Variants in SCFD2 observed in about 807,000 individuals in gnomAD.
The protein encoded by SCFD2 is sec1 family domain containing 2, also known as sec1 family domain-containing protein 2.
A neutral mutation model predicts 58.9 loss-of-function variants in SCFD2; 54 were observed. The ratio of observed to expected loss-of-function variants is 0.92; its 90% confidence interval spans 0.74 to 1.15. SCFD2 has a LOEUF of 1.15. Ranked by LOEUF, SCFD2 falls within the 50% of genes most tolerant of loss-of-function variation. SCFD2 has a pLI of 0.00. For missense variants in SCFD2, 805 were observed against 836.6 expected (o/e 0.96, Z 0.47); for synonymous variants, 321 against 335.9 (o/e 0.96, Z 0.49).
chr4:52,972,807 A>G (rs1290965631), intron 5 of SCFD2, among the ~76,000 whole-genome samples: 1 of 152,218 alleles, frequency 6.6e-6, no homozygotes, highest in African/African-American at 2.4e-5. Flanking sequence ...CAGAAATTAT[A>G]ACAAACTGTC....
chr4:52,903,866 C>T lies in SCFD2; in HGVS notation c.1842+3591G>A, dbSNP rs75376658. Among the ~76,000 whole-genome samples, 307 of 152,158 alleles carry T rather than the reference C, an allele frequency of 2.0e-3. 1 individual carries two copies. Among genetic ancestry groups the T allele is most frequent in the Middle Eastern group, 0.014 (4 of 294 alleles). ...GAATCAAGTTGTGCAGTTAGAAAAA[C>T]GCTAGCATGAAGAAAAACATTAGTC... On this transcript the variant is annotated intron_variant, in intron 7 of 8. Transcript: ENST00000401642.
intron 5 of SCFD2, among the ~76,000 whole-genome samples, chr4:53,124,193 T>C (rs1235367394): frequency 6.6e-6 from 1 of 152,174 alleles, no homozygotes; most frequent in African/African-American, 2.4e-5. Context: ...AAAATAAATA[T>C]TAATTCCTAT....
chr4:53,352,681 C>T lies in SCFD2; in HGVS notation c.924G>A (p.Met308Ile). Residue 308 changes from methionine to isoleucine, a missense_variant, in exon 2 of 9, where the codon ATG (methionine) becomes ATA (isoleucine). Met to Ile is a conservative substitution (Grantham distance 10). Around this residue, in one of 3 missense-constraint regions of SCFD2, gnomAD observed 633 missense variants for 646.8 expected, o/e 0.98. Coordinates refer to ENST00000401642, the MANE Select transcript of SCFD2 (RefSeq NM_152540.4). The part of the protein sequence containing the change: ...PQLPGHTNDV[M>I]VNMIALTALH... The stretch of plus-strand genomic sequence containing the variant: ...GTGCAGTGAGCGCTATCATGTTAAC[C>T]ATCACATCATTTGTGTGGCCTGGGA... The T allele has an allele frequency of 6.2e-7, 1 of 1,613,934 alleles. No individual in the cohort carries two copies. The highest frequency in any genetic ancestry group is 2.2e-5 in the East Asian group (1 of 44,876).
chr4:53,139,515 C>G (rs1173021877), intron 5 of SCFD2, among the ~76,000 whole-genome samples: 2 of 136,794 alleles, frequency 1.5e-5, no homozygotes, highest in Non-Finnish European at 3.4e-5. Flanking sequence ...AGTGAGGAGC[C>G]CCTCTGCCCG....
At chr4:52,917,359 T>C (rs1560480278) in intron 6 of SCFD2, among the ~76,000 whole-genome samples, 1 of 152,180 alleles carries the variant, frequency 6.6e-6, no homozygotes, top group Non-Finnish European at 1.5e-5. Context: ...GAGGGGACAG[T>C]TGGGCTATGA....
chr4:53,201,181 C>G (rs184111462), intron 4 of SCFD2, among the ~76,000 whole-genome samples: 1,943 of 151,640 alleles, frequency 0.013, 42 homozygotes, highest in African/African-American at 0.045. Flanking sequence ...CTCCTCCCCC[C>G]ACCCCACAAC....
At chr4:53,139,418 C>G (rs1215796212) in intron 5 of SCFD2, among the ~76,000 whole-genome samples, 2 of 94,074 alleles carry the variant, frequency 2.1e-5, no homozygotes, top group African/African-American at 2.8e-5. Context: ...GGCCGTCATC[C>G]TGTCTAGGAA....
intron 8 of SCFD2, among the ~76,000 whole-genome samples, chr4:52,880,705 C>G (rs1030442871): frequency 6.6e-6 from 1 of 152,194 alleles, no homozygotes; most frequent in Admixed American, 6.5e-5. Context: ...GTGCGGCAAG[C>G]ACGTGCCTTG....
At position 53,365,660 on chromosome 4, in the gene SCFD2, G is replaced by A. The variant is rs1734679539; in HGVS notation, c.282C>T (p.Cys94=). Residue 94 remains cysteine, a synonymous_variant, in exon 1 of 9, where the codon TGC becomes TGT. Transcript: ENST00000401642. The surrounding 1 kb of genome is among the most constrained non-coding windows in gnomAD (Gnocchi z 4.3). The part of the protein sequence containing the change: ...RTVEILRDII[C]RSHFQYCVVV... ...CCACACAATACTGGAAGTGACTGCG[G>A]CAGATGATGTCCCGTAGGATCTCCA... The A allele has an allele frequency of 1.2e-6, 2 of 1,614,234 alleles. No individual in the cohort carries two copies. The highest frequency in any genetic ancestry group is 1.7e-6 in the Non-Finnish European group (2 of 1,180,040).
intron 4 of SCFD2, among the ~76,000 whole-genome samples, chr4:53,255,798 G>T (rs1208791304): frequency 6.6e-6 from 1 of 151,108 alleles, no homozygotes; most frequent in Non-Finnish European, 1.5e-5. Context: ...GCCGGGCAGA[G>T]GCGCCCCTCA....
intron 4 of SCFD2, among the ~76,000 whole-genome samples, chr4:53,150,526 G>GA (rs1160311578): frequency 1.3e-5 from 2 of 151,710 alleles, no homozygotes; most frequent in Admixed American, 1.3e-4. Flanking sequence ...CAATAACGAA[G>GA]AAAAAAAATC....
At chr4:53,054,575 T>C (rs891347192) in intron 5 of SCFD2, among the ~76,000 whole-genome samples, 7 of 150,554 alleles carry the variant, frequency 4.6e-5, no homozygotes, top group Admixed American at 4.6e-4. Context: ...TAAATCCTTC[T>C]AGAATATAAG....
intron 5 of SCFD2, among the ~76,000 whole-genome samples, chr4:52,982,998 A>T (rs1721410681): frequency 6.6e-6 from 1 of 152,040 alleles, no homozygotes; most frequent in Admixed American, 6.6e-5. Context: ...CCTCTCAGAG[A>T]GGTTATTTTT....
chr4:52,974,885 T>C (rs1721209102), intron 5 of SCFD2, among the ~76,000 whole-genome samples: 1 of 152,120 alleles, frequency 6.6e-6, no homozygotes, highest in Non-Finnish European at 1.5e-5. Context: ...AACCATCTGA[T>C]CTTTGACAAA....
chr4:53,217,777 G>T (rs1420924330), intron 4 of SCFD2, among the ~76,000 whole-genome samples: 27 of 152,180 alleles, frequency 1.8e-4, no homozygotes, highest in Non-Finnish European at 1.5e-5. Context: ...GTAGTGGCTG[G>T]TAACGGTTGT....
At chr4:52,885,296 T>C (rs1205146121) in intron 8 of SCFD2, among the ~76,000 whole-genome samples, 2 of 152,088 alleles carry the variant, frequency 1.3e-5, no homozygotes, top group Non-Finnish European at 2.9e-5. Context: ...CAACACTGAT[T>C]GGACACCAGA....
chr4:53,057,722 C>T (rs1440682318), intron 5 of SCFD2, among the ~76,000 whole-genome samples: 1 of 151,936 alleles, frequency 6.6e-6, no homozygotes, highest in Non-Finnish European at 1.5e-5. Flanking sequence ...AGGGTGCTTG[C>T]TTATAAAAGA....
In SCFD2 at chr4:52,918,291, T is replaced by C. The variant is rs137989408; in HGVS notation, c.1707+2434A>G. On this transcript the variant is annotated intron_variant, in intron 6 of 8. Transcript: ENST00000401642. ...ACACTTGTACTTTCCTATGCATGCA[T>C]ATTTTGTGTCCAAATAAATCTCCTG... Among the ~76,000 whole-genome samples, 133 of 152,336 alleles carry C rather than the reference T, an allele frequency of 8.7e-4. 1 individual carries two copies. Among genetic ancestry groups the C allele is most frequent in the Middle Eastern group, 3.4e-3 (1 of 294 alleles).
intron 5 of SCFD2, among the ~76,000 whole-genome samples, chr4:52,924,702 C>T (rs1719821364): frequency 6.6e-6 from 1 of 151,992 alleles, no homozygotes. Flanking sequence ...ATTTATTTTC[C>T]CAAACCCTAT....
Sources: allele counts gnomAD v4.1 joint callset (sites outside exome capture counted in the v4.1 genomes callset), GRCh38; gene constraint gnomAD v4.1.1; regional missense constraint gnomAD v4.1.1; non-coding constraint Gnocchi (gnomAD v3.1); transcripts MANE v1.5; gene names NCBI Gene and HGNC (gene_info 2026-07-23, HGNC 2026-07-21).